The following CCDC39 variants were observed in gnomAD, a reference collection of about 807,000 sequenced individuals.
CCDC39 encodes the protein coiled-coil domain 39 molecular ruler complex subunit, also known as coiled-coil domain-containing protein 39.
CCDC39 carries 113 observed loss-of-function variants against 121.0 expected under a neutral mutation model. The observed-to-expected ratio is 0.93, with a 90% CI of 0.80 to 1.09. The LOEUF is 1.09. Ranked by LOEUF, CCDC39 falls within the 50% of genes least tolerant of loss-of-function variation. The pLI, the probability that CCDC39 is intolerant of heterozygous loss-of-function variation, is 0.00. For synonymous variants in CCDC39, 349 were observed against 352.2 expected (o/e 0.99, Z 0.10); for missense variants, 1,063 against 1,074.7 (o/e 0.99, Z 0.15).
intron 18 of CCDC39, 54 bp downstream of exon 18, chr3:180,616,462 G>GT: frequency 6.7e-7 from 1 of 1,497,344 alleles, no homozygotes; most frequent in Non-Finnish European, 8.9e-7. Flanking sequence ...TGTCATGAAA[G>GT]TTTTTATTTT....
chr3:180,654,691 T>G, intron 7 of CCDC39, 71 bp downstream of exon 7: 2 of 1,038,136 alleles, frequency 1.9e-6, no homozygotes, highest in Non-Finnish European at 2.7e-6. Context: ...CAGGAAAAGC[T>G]TTATGCTTAT....
intron 16 of CCDC39, among the ~76,000 whole-genome samples, chr3:180,618,133 A>G (rs1384899031): frequency 1.3e-5 from 2 of 152,284 alleles, no homozygotes; most frequent in South Asian, 2.1e-4. Context: ...AGGCTATACC[A>G]TCTAGGTTTG....
rs1717283935 is a variant in CCDC39 at position 180,617,346 on chromosome 3, A to G, written c.2266-380T>C. On this transcript the variant is annotated intron_variant, in intron 16 of 19. Transcript: ENST00000476379. ...AATAAAAGATATTACTGATTTATGT[A>G]TTTACTATACAATATACTTTTATTA... The G allele has an allele frequency of 1.7e-5, 9 of 518,336 alleles. No individual in the cohort carries two copies. In the East Asian group the frequency reaches 2.4e-4, roughly 14 times the overall value. The allele number at this position is 518,336 out of a possible 1,614,324, so 32.1% of individuals were successfully genotyped here. A position where few individuals can be genotyped will look rare whatever the true frequency, so the allele number is the denominator to read the frequency against.
chr3:180,679,215 G>C lies in CCDC39; in HGVS notation c.90+76C>G, dbSNP rs888944718. 7.6e-6 allele frequency: 8 copies of C among 1,046,988 alleles called. No homozygotes were observed. Among genetic ancestry groups the C allele is most frequent in the Non-Finnish European group, 1.2e-5 (8 of 662,272 alleles). 64.9% of individuals were successfully genotyped at this position (1,046,988 alleles called of 1,614,324 possible). On this transcript the variant is annotated intron_variant, in intron 1 of 19. Transcript: ENST00000476379. The surrounding 1 kb of genome is among the most constrained non-coding windows in gnomAD (Gnocchi z 4.0). ...AGGAAAGGAGAGAAATAAAAGGGCT[G>C]GGGTAGTACTGCCAACCAGAAAACG...
intron 7 of CCDC39, among the ~76,000 whole-genome samples, chr3:180,654,221 C>CAAAAAAAA (rs76424115): frequency 3.3e-4 from 15 of 44,884 alleles, no homozygotes; most frequent in East Asian, 8.0e-4. Flanking sequence ...TAGCCACACG[C>CAAAAAAAA]AAAAAAAAAA....
intron 1 of CCDC39, among the ~76,000 whole-genome samples, chr3:180,664,590 G>C (rs960417858): frequency 3.3e-5 from 5 of 152,118 alleles, no homozygotes; most frequent in African/African-American, 1.2e-4. Context: ...ATCTCTCTTA[G>C]ATTTGCAGCG....
intron 14 of CCDC39, among the ~76,000 whole-genome samples, chr3:180,625,585 A>G (rs896441052): frequency 6.6e-6 from 1 of 152,024 alleles, no homozygotes; most frequent in Non-Finnish European, 1.5e-5. Flanking sequence ...GTGTCCTTCC[A>G]TTGATAGATG....
At chr3:180,631,075 A>C (rs748905778) in intron 14 of CCDC39, among the ~76,000 whole-genome samples, 22 of 152,212 alleles carry the variant, frequency 1.4e-4, no homozygotes, top group Non-Finnish European at 3.1e-4. Flanking sequence ...AGGTCTTAAA[A>C]AGATTACGAA....
At chr3:180,677,592 A>AT (rs1397411199) in intron 1 of CCDC39, among the ~76,000 whole-genome samples, 2 of 152,040 alleles carry the variant, frequency 1.3e-5, no homozygotes, top group Non-Finnish European at 2.9e-5. Flanking sequence ...ACTTAGAGGA[A>AT]TTTTTTTAGC....
intron 1 of CCDC39, among the ~76,000 whole-genome samples, chr3:180,664,584 CTCTT>C (rs1368006299): frequency 6.6e-6 from 1 of 152,098 alleles, no homozygotes; most frequent in Admixed American, 6.5e-5. Context: ...ATGGAAATCT[CTCTT>C]AGATTTGCAG....
intron 1 of CCDC39, among the ~76,000 whole-genome samples, chr3:180,675,566 T>C (rs1364027761): frequency 6.6e-6 from 1 of 152,192 alleles, no homozygotes; most frequent in Non-Finnish European, 1.5e-5. Context: ...CTTCTAATTG[T>C]GATGTTAGGG....
Position 180,644,209 on chromosome 3 carries a change from T to C in CCDC39, c.1576A>G (p.Lys526Glu), listed in dbSNP as rs1242518521. Residue 526 changes from lysine (K) to glutamate (E), a missense_variant, in exon 12 of 20, where the codon AAA (lysine) becomes GAA (glutamate). Coordinates refer to ENST00000476379, the MANE Select transcript of CCDC39 (RefSeq NM_181426.2). ...KKAHSKNSDE[K>E]QSLMTKINEL... ...TTTATTTTGGTCATAAGGGACTGTT[T>C]TTCATCACTGTTTTTACTATGTGCC... The C allele has an allele frequency of 1.9e-6, 3 of 1,542,520 alleles. No homozygotes were observed. The highest frequency in any genetic ancestry group is 1.8e-6 in the Non-Finnish European group (2 of 1,142,288).
intron 13 of CCDC39, among the ~76,000 whole-genome samples, chr3:180,632,334 A>G (rs970046051): frequency 6.6e-6 from 1 of 152,158 alleles, no homozygotes; most frequent in African/African-American, 2.4e-5. Context: ...AATACTAGTA[A>G]TCTTAATATA....
At chr3:180,676,544 G>A (rs1465963991) in intron 1 of CCDC39, among the ~76,000 whole-genome samples, 2 of 152,256 alleles carry the variant, frequency 1.3e-5, no homozygotes, top group African/African-American at 4.8e-5. Context: ...CACTGTTGGT[G>A]GGACTGTAAA....
At chr3:180,649,461 A>C (rs1372402512) in intron 9 of CCDC39, among the ~76,000 whole-genome samples, 1 of 152,234 alleles carries the variant, frequency 6.6e-6, no homozygotes, top group Non-Finnish European at 1.5e-5. Context: ...ACACAAAACA[A>C]GTCTGTGACT....
chr3:180,627,783 G>A (rs1717598775), intron 14 of CCDC39, among the ~76,000 whole-genome samples: 1 of 152,088 alleles, frequency 6.6e-6, no homozygotes, highest in African/African-American at 2.4e-5. Context: ...CCAAAGACAG[G>A]AGCTTACTAC....
intron 13 of CCDC39, among the ~76,000 whole-genome samples, chr3:180,633,067 C>G (rs1319520351): frequency 1.3e-5 from 2 of 152,154 alleles, no homozygotes; most frequent in African/African-American, 4.8e-5. Flanking sequence ...TAAACACCTC[C>G]TAACTTTTTG....
chr3:180,631,067 G>T (rs2108412783), intron 14 of CCDC39, among the ~76,000 whole-genome samples: 1 of 152,226 alleles, frequency 6.6e-6, no homozygotes, highest in East Asian at 1.9e-4. Flanking sequence ...GTGATAATAG[G>T]TCTTAAAAAG....
At chr3:180,652,306 T>C (rs1422301000) in intron 7 of CCDC39, 40 bp from the exon 8 acceptor site, 5 of 1,170,656 alleles carry the variant, frequency 4.3e-6, no homozygotes, top group African/African-American at 1.6e-5. Context: ...ATATTTACTC[T>C]GTATCTTATA....
Sources: gnomAD v4.1 joint callset for allele counts (sites outside exome capture counted in the v4.1 genomes callset) on GRCh38, gnomAD v4.1.1 for gene constraint, Gnocchi (gnomAD v3.1) non-coding constraint, MANE v1.5 for transcripts, NCBI Gene and HGNC (gene_info 2026-07-23, HGNC 2026-07-21) for gene names.